CADM1: variants seen among roughly 807,000 people sequenced by gnomAD.
CADM1 encodes cell adhesion molecule 1, also known as TSLC-1.
In CADM1, 15 loss-of-function variants were observed where a neutral mutation model predicts 53.1. The observed-to-expected ratio is 0.28, with a 90% CI of 0.19 to 0.44. CADM1 has a LOEUF of 0.44. CADM1 is among the 20% of genes least tolerant of loss of function. CADM1 has a pLI of 1.00. For synonymous variants in CADM1, 281 were observed against 243.0 expected, an observed-to-expected ratio of 1.16 and a Z score of -1.45; for missense variants, 434 against 611.3, an observed-to-expected ratio of 0.71 and a Z score of 3.06.
intron 1 of CADM1, among the ~76,000 whole-genome samples, chr11:115,449,435 C>T (rs1948523985): frequency 6.6e-6 from 1 of 152,160 alleles, no homozygotes; most frequent in South Asian, 2.1e-4. Context: ...CAATAAGCCA[C>T]CTTCATTTCT....
At chr11:115,285,000 A>G (rs1943693639) in intron 1 of CADM1, among the ~76,000 whole-genome samples, 1 of 152,198 alleles carries the variant, frequency 6.6e-6, no homozygotes, top group Non-Finnish European at 1.5e-5. Flanking sequence ...ATTCACCCTC[A>G]GCCTCTGACA....
At chr11:115,276,421 C>T (rs1304754563) in intron 1 of CADM1, among the ~76,000 whole-genome samples, 1 of 152,168 alleles carries the variant, frequency 6.6e-6, no homozygotes, top group Middle Eastern at 3.2e-3. Context: ...CTGCAGCATG[C>T]CACTCACAAA....
chr11:115,492,558 A>G (rs1565453983), intron 1 of CADM1, among the ~76,000 whole-genome samples: 1 of 152,200 alleles, frequency 6.6e-6, no homozygotes. Flanking sequence ...CATGATACTC[A>G]TCTACCCTCA....
Position 115,504,259 on chromosome 11 carries a change from G to T in CADM1, c.124+12C>A, listed in dbSNP as rs1441427882. The T allele has an allele frequency of 6.4e-7, 1 of 1,571,404 alleles. No individual in the cohort carries two copies. Among genetic ancestry groups the T allele is most frequent in the Non-Finnish European group, 8.6e-7 (1 of 1,158,984 alleles). On this transcript the variant is annotated intron_variant, in intron 1 of 11. Transcript: ENST00000331581. ...GAGATTTAGGGGCCAACCGGTCGGT[G>T]CCCACACCTACCTGTGGGGATCAGT...
intron 1 of CADM1, among the ~76,000 whole-genome samples, chr11:115,412,481 G>T (rs971087968): frequency 6.6e-6 from 1 of 152,214 alleles, no homozygotes; most frequent in Non-Finnish European, 1.5e-5. Context: ...TTACAGGCGT[G>T]AGCCACTGTG....
chr11:115,178,738 C>A lies in CADM1; in HGVS notation c.1203G>T (p.Val401=). The change falls in exon 11 of 12, where the codon GTG becomes GTT. Residue 401 remains valine (V), a synonymous_variant. Transcript: ENST00000331581. The stretch of plus-strand genomic sequence containing the variant: ...CGACGCCACCGATCACGGCATGATC[C>A]ACTGCCCTGATCGAGCCTTCTTCAC... ...RAGEEGSIRA[V]DHAVIGGVVA... The A allele has an allele frequency of 6.2e-7, 1 of 1,613,826 alleles. No individual in the cohort carries two copies. Among genetic ancestry groups the A allele is most frequent in the Non-Finnish European group, 8.5e-7 (1 of 1,179,818 alleles).
intron 1 of CADM1, among the ~76,000 whole-genome samples, chr11:115,333,061 T>A (rs552949824): frequency 6.6e-6 from 1 of 152,172 alleles, no homozygotes; most frequent in Non-Finnish European, 1.5e-5. Flanking sequence ...TTCTCCCTGA[T>A]GTCCCATCAG....
intron 1 of CADM1, among the ~76,000 whole-genome samples, chr11:115,433,583 G>A (rs948044382): frequency 5.9e-5 from 9 of 152,144 alleles, no homozygotes; most frequent in East Asian, 1.9e-4. Context: ...GGAAGCAAAC[G>A]CACATGTTTT....
At chr11:115,351,310 A>C (rs1367758528) in intron 1 of CADM1, among the ~76,000 whole-genome samples, 1 of 152,198 alleles carries the variant, frequency 6.6e-6, no homozygotes. Context: ...ACGTACCTTC[A>C]TGCTCTAAAT....
intron 1 of CADM1, among the ~76,000 whole-genome samples, chr11:115,462,415 A>G (rs1948815979): frequency 1.3e-5 from 2 of 152,110 alleles, no homozygotes; most frequent in Admixed American, 1.3e-4. Context: ...GAGTTCTCCC[A>G]CTCGACAGAG....
chr11:115,464,286 C>T (rs1948853304), intron 1 of CADM1, among the ~76,000 whole-genome samples: 1 of 152,154 alleles, frequency 6.6e-6, no homozygotes, highest in South Asian at 2.1e-4. Flanking sequence ...ATATAAAAGT[C>T]TATTCACAGT....
chr11:115,494,047 C>T (rs913411200), intron 1 of CADM1, among the ~76,000 whole-genome samples: 2 of 152,004 alleles, frequency 1.3e-5, no homozygotes, highest in Admixed American at 6.6e-5. Context: ...TATTCTTAGG[C>T]GCTACATGCT....
chr11:115,264,883 C>T (rs7129927), intron 1 of CADM1, among the ~76,000 whole-genome samples: 3 of 151,938 alleles, frequency 2.0e-5, no homozygotes, highest in African/African-American at 7.3e-5. Context: ...AAGCTGGAAT[C>T]GGGTGGGAAT....
At chr11:115,389,119 A>T (rs1489226017) in intron 1 of CADM1, among the ~76,000 whole-genome samples, 3 of 152,148 alleles carry the variant, frequency 2.0e-5, no homozygotes, top group Non-Finnish European at 1.5e-5. Flanking sequence ...GAAGGGAAAA[A>T]GATAAAGAAG....
Position 115,404,784 on chromosome 11 carries a change from C to T in CADM1, c.124+99487G>A, listed in dbSNP as rs141030303. On this transcript the variant is annotated intron_variant, in intron 1 of 11. Transcript: ENST00000331581. Reference sequence around the variant, plus strand: ...GAGTTGCGGGGATCACTTGAGCCCCCGAGGTCAAGACTGCAGTGAGACACT... The same window carrying T: ...GAGTTGCGGGGATCACTTGAGCCCCTGAGGTCAAGACTGCAGTGAGACACT... Among the ~76,000 whole-genome samples, 10 of 146,110 alleles carry T rather than the reference C, an allele frequency of 6.8e-5. 1 individual carries two copies. Among genetic ancestry groups the T allele is most frequent in the Non-Finnish European group, 1.3e-4 (9 of 67,038 alleles).
chr11:115,223,032 T>C (rs1375519972), intron 5 of CADM1, among the ~76,000 whole-genome samples: 1 of 152,112 alleles, frequency 6.6e-6, no homozygotes, highest in African/African-American at 2.4e-5. Flanking sequence ...TGGCACACAG[T>C]AAGCATTCAA....
At chr11:115,477,605 G>T (rs756271939) in intron 1 of CADM1, among the ~76,000 whole-genome samples, 10 of 152,210 alleles carry the variant, frequency 6.6e-5, no homozygotes, top group Non-Finnish European at 1.5e-4. Flanking sequence ...CACAGCAAGG[G>T]TCTGGAATAG....
At chr11:115,489,121 G>A (rs1375617199) in intron 1 of CADM1, among the ~76,000 whole-genome samples, 3 of 152,210 alleles carry the variant, frequency 2.0e-5, no homozygotes, top group Non-Finnish European at 4.4e-5. Context: ...ATGACTCAAA[G>A]TCTAGGTATC....
intron 5 of CADM1, among the ~76,000 whole-genome samples, chr11:115,221,640 C>T (rs1941409787): frequency 6.6e-6 from 1 of 152,176 alleles, no homozygotes; most frequent in African/African-American, 2.4e-5. Flanking sequence ...AGATGAAACT[C>T]AAGATTCTGA....
Sources: gnomAD v4.1 joint callset for allele counts (sites outside exome capture counted in the v4.1 genomes callset) on GRCh38, gnomAD v4.1.1 for gene constraint, MANE v1.5 for transcripts, NCBI Gene and HGNC (gene_info 2026-07-23, HGNC 2026-07-21) for gene names.